The following OXNAD1 variants were observed in gnomAD, a reference collection of about 807,000 sequenced individuals.
OXNAD1 encodes the protein oxidoreductase NAD-binding domain-containing protein 1.
A neutral mutation model predicts 32.9 loss-of-function variants in OXNAD1; 34 were observed. The ratio of observed to expected loss-of-function variants is 1.03; its 90% CI spans 0.79 to 1.38. The LOEUF is 1.38. Ranked by LOEUF, OXNAD1 falls within the 40% of genes most tolerant of loss-of-function variation. OXNAD1 has a pLI of 0.00. For missense variants in OXNAD1, 407 were observed against 379.4 expected (o/e 1.07, Z -0.60); for synonymous variants, 134 against 135.2 (o/e 0.99, Z 0.06).
chr3:16,333,283 A>G (rs915542359), intron 9 of OXNAD1, among the ~76,000 whole-genome samples: 4 of 152,272 alleles, frequency 2.6e-5, no homozygotes, highest in Admixed American at 6.5e-5. Flanking sequence ...CATTGAAACC[A>G]GGCACAATAT....
At position 16,297,736 on chromosome 3, in the gene OXNAD1, G is replaced by T. The variant is rs975325531; in HGVS notation, c.432+2739G>T. Among the ~76,000 whole-genome samples the T allele has an allele frequency of 1.2e-4, 18 of 152,106 alleles. No individual in the cohort carries two copies. Among genetic ancestry groups the T allele is most frequent in the African/African-American group, 4.3e-4 (18 of 41,392 alleles). ...TGAGTGCAAGGAGGCAGTCCCAAAA[G>T]GTTACATACTGTAAAATCCCATTTT... On this transcript the variant is annotated intron_variant, in intron 6 of 8. Transcript: ENST00000285083. This position sits in a 1 kb window ranked among gnomAD's most constrained non-coding sequence, Gnocchi z 4.3.
rs923418788 is a variant in OXNAD1, at chr3:16,277,858, T to A, written c.183+6136T>A. ...AACTCTGAATTGAATTACATTGGAATGTTTGTGTTCAAGTTTTATTCATTT... is the reference window on the plus strand; with the variant it reads ...AACTCTGAATTGAATTACATTGGAAAGTTTGTGTTCAAGTTTTATTCATTT... On this transcript the variant is annotated intron_variant, in intron 4 of 8. Coordinates refer to ENST00000285083, the MANE Select transcript of OXNAD1 (RefSeq NM_138381.5). The surrounding 1 kb of genome is among the most constrained non-coding windows in gnomAD (Gnocchi z 4.3). Among the ~76,000 whole-genome samples, 5 of 152,234 alleles carry A rather than the reference T, an allele frequency of 3.3e-5. No individual in the cohort carries two copies. Among genetic ancestry groups the A allele is most frequent in the African/African-American group, 1.2e-4 (5 of 41,464 alleles).
Position 16,321,369 on chromosome 3 carries a change from A to G in OXNAD1, c.*31-15743A>G, listed in dbSNP as rs1269674953. 6.6e-6 allele frequency among the ~76,000 whole-genome samples: 1 copy of G among 152,146 alleles called. No individual in the cohort carries two copies. The highest frequency in any genetic ancestry group is 1.9e-4 in the East Asian group (1 of 5,182). On this transcript the variant is annotated intron_variant, in intron 9 of 9. Coordinates refer to the OXNAD1 transcript ENST00000435829. The surrounding 1 kb of genome is among the most constrained non-coding windows in gnomAD (Gnocchi z 4.8). Reference sequence around the variant, plus strand: ...AGGAACTTAGTGGGAAACCAGGAGAATGAGGTGGGAAAGAACCAAGAGAAA... The same window carrying G: ...AGGAACTTAGTGGGAAACCAGGAGAGTGAGGTGGGAAAGAACCAAGAGAAA...
Position 16,298,930 on chromosome 3 carries a change from G to A in OXNAD1, c.433-2696G>A, listed in dbSNP as rs1391381462. Reference sequence around the variant, plus strand: ...TCGTGTTACCCTCGCAGTTTTTATTGATCAACAAAAAGACAAAGATGGCTT... The same window carrying A: ...TCGTGTTACCCTCGCAGTTTTTATTAATCAACAAAAAGACAAAGATGGCTT... On this transcript the variant is annotated intron_variant, in intron 6 of 8. Transcript: ENST00000285083. This position sits in a 1 kb window ranked among gnomAD's most constrained non-coding sequence, Gnocchi z 5.1. 6.6e-6 allele frequency among the ~76,000 whole-genome samples: 1 copy of A among 152,074 alleles called. No individual in the cohort carries two copies. Among genetic ancestry groups the A allele is most frequent in the Non-Finnish European group, 1.5e-5 (1 of 68,010 alleles).
chr3:16,270,905 T>A (rs773579384), intron 2 of OXNAD1, 40 bp from the exon 3 acceptor site: 2 of 1,612,692 alleles, frequency 1.2e-6, no homozygotes, highest in South Asian at 1.1e-5. Context: ...TCCCCACTTT[T>A]AAAAAAACAA....
chr3:16,299,638 T>C lies in OXNAD1; in HGVS notation c.433-1988T>C, dbSNP rs2067036606. ...ACTTGCAGAGACCAAATTAAATTCA[T>C]GTCCAGAAGTACCTACTGCTCACCT... On this transcript the variant is annotated intron_variant, in intron 6 of 8. Coordinates refer to ENST00000285083, the MANE Select transcript of OXNAD1 (RefSeq NM_138381.5). This position sits in a 1 kb window ranked among gnomAD's most constrained non-coding sequence, Gnocchi z 4.4. Among the ~76,000 whole-genome samples the C allele has an allele frequency of 6.6e-6, 1 of 152,226 alleles. No homozygotes were observed. The highest frequency in any genetic ancestry group is 1.5e-5 in the Non-Finnish European group (1 of 68,028).
At position 16,299,864 on chromosome 3, in the gene OXNAD1, C is replaced by A. The variant is rs1035860080; in HGVS notation, c.433-1762C>A. Among the ~76,000 whole-genome samples the A allele has an allele frequency of 6.6e-6, 1 of 152,146 alleles. No homozygotes were observed. The highest frequency in any genetic ancestry group is 2.4e-5 in the African/African-American group (1 of 41,432). ...CAGGGAAGAAGGAAGCTGGTATTGC[C>A]AGCACTTTTTCTTTTGTGACAGCTG... On this transcript the variant is annotated intron_variant, in intron 6 of 8. Transcript: ENST00000285083. This position sits in a 1 kb window ranked among gnomAD's most constrained non-coding sequence, Gnocchi z 4.4.
chr3:16,339,514 C>T (rs1010163316), downstream of OXNAD1: 2 of 152,224 alleles, frequency 1.3e-5, no homozygotes, highest in Non-Finnish European at 2.9e-5. Flanking sequence ...CTACCAGAGA[C>T]AAATCCACCA....
intron 9 of OXNAD1, among the ~76,000 whole-genome samples, chr3:16,328,310 C>T (rs1424047618): frequency 6.6e-6 from 1 of 152,200 alleles, no homozygotes; most frequent in African/African-American, 2.4e-5. Flanking sequence ...AGGCAGCGCG[C>T]GTGACCATGG....
chr3:16,276,949 G>A (rs1256924077), intron 4 of OXNAD1, among the ~76,000 whole-genome samples: 1 of 142,510 alleles, frequency 7.0e-6, no homozygotes, highest in Non-Finnish European at 1.5e-5. Context: ...TTGAGACAGA[G>A]TCTCTTTCTT....
intron 9 of OXNAD1, among the ~76,000 whole-genome samples, chr3:16,319,483 G>A (rs896843717): frequency 2.0e-5 from 3 of 152,158 alleles, no homozygotes; most frequent in Admixed American, 1.3e-4. Flanking sequence ...CACCTCCAGG[G>A]CCCCATTCAT....
intron 9 of OXNAD1, among the ~76,000 whole-genome samples, chr3:16,331,747 G>A (rs1172869878): frequency 6.6e-6 from 1 of 152,166 alleles, no homozygotes; most frequent in African/African-American, 2.4e-5. Flanking sequence ...TACTGTCTAT[G>A]GCTGGTATGT....
chr3:16,324,613 A>ACCAC (rs1553718055), intron 9 of OXNAD1, among the ~76,000 whole-genome samples: 1 of 90,800 alleles, frequency 1.1e-5, no homozygotes, highest in Non-Finnish European at 2.2e-5. Context: ...AATGTCCCTG[A>ACCAC]CCCCCCCCCT....
intron 1 of OXNAD1, among the ~76,000 whole-genome samples, chr3:16,266,471 G>T (rs1051084392): frequency 6.6e-6 from 1 of 151,862 alleles, no homozygotes; most frequent in Admixed American, 6.6e-5. Flanking sequence ...CAGGTGTGGT[G>T]GTGTGCCTGT....
rs1280899537 is a variant in OXNAD1, at chr3:16,288,438, C to T, written c.290+1990C>T. The stretch of plus-strand genomic sequence containing the variant: ...GGCTTCCTCTGACACCTACCAAACT[C>T]TGAGAATGAGGTTCCAGGCACAACT... On this transcript the variant is annotated intron_variant, in intron 5 of 8. Coordinates refer to ENST00000285083, the MANE Select transcript of OXNAD1 (RefSeq NM_138381.5). The surrounding 1 kb of genome is among the most constrained non-coding windows in gnomAD (Gnocchi z 5.1). 6.6e-6 allele frequency among the ~76,000 whole-genome samples: 1 copy of T among 152,150 alleles called. No individual in the cohort carries two copies. The highest frequency in any genetic ancestry group is 1.5e-5 in the Non-Finnish European group (1 of 68,024).
chr3:16,330,982 A>G (rs1034601183), intron 9 of OXNAD1, among the ~76,000 whole-genome samples: 1 of 152,198 alleles, frequency 6.6e-6, no homozygotes, highest in African/African-American at 2.4e-5. Context: ...AATCTAGGAG[A>G]AAAGGAGTTT....
intron 5 of OXNAD1, 99 bp downstream of exon 5, chr3:16,286,547 G>C (rs943603213): frequency 2.2e-6 from 2 of 903,826 alleles, no homozygotes; most frequent in African/African-American, 3.3e-5. Context: ...CCATTCCCTT[G>C]AGGAAGAGGA....
chr3:16,325,107 A>T (rs1215596373), intron 9 of OXNAD1, among the ~76,000 whole-genome samples: 10 of 152,254 alleles, frequency 6.6e-5, no homozygotes, highest in Non-Finnish European at 1.0e-4. Flanking sequence ...TGTAAGAAAA[A>T]GGAGGGAGAG....
intron 4 of OXNAD1, among the ~76,000 whole-genome samples, chr3:16,282,292 C>T (rs2065798981): frequency 1.3e-5 from 2 of 151,650 alleles, no homozygotes; most frequent in Admixed American, 6.6e-5. Flanking sequence ...AATGTCTGCT[C>T]TCCCTGAACT....
Sources: allele counts gnomAD v4.1 joint callset (sites outside exome capture counted in the v4.1 genomes callset), GRCh38; gene constraint gnomAD v4.1.1; non-coding constraint Gnocchi (gnomAD v3.1); transcripts MANE v1.5; gene names NCBI Gene and HGNC (gene_info 2026-07-23, HGNC 2026-07-21).